The following GPC3 variants were observed in gnomAD, a reference collection of about 807,000 sequenced individuals.
GPC3 encodes the protein glypican-3.
GPC3 carries 3 observed loss-of-function variants against 34.4 expected under a neutral mutation model. The ratio of observed to expected loss-of-function variants is 0.09; its 90% CI spans 0.04 to 0.23. GPC3 has a LOEUF of 0.23. GPC3 is among the 10% of genes least tolerant of loss of function. GPC3 has a pLI of 1.00. For synonymous variants in GPC3, 177 were observed against 174.0 expected (o/e 1.02, Z -0.13); for missense variants, 351 against 445.6 (o/e 0.79, Z 1.91).
intron 6 of GPC3, among the ~76,000 whole-genome samples, chrX:133,619,246 T>C (rs930439431): frequency 8.9e-6 from 1 of 112,035 alleles, no homozygotes; most frequent in Non-Finnish European, 1.9e-5. Context: ...GAATGTAAAA[T>C]GGTGGATTCA....
chrX:133,652,237 T>G (rs768602429), intron 6 of GPC3, among the ~76,000 whole-genome samples: 2 of 112,025 alleles, frequency 1.8e-5, no homozygotes, highest in South Asian at 7.5e-4. Context: ...ATAATAACCA[T>G]AAGAATCCTC....
At chrX:133,786,394 G>A (rs1044336164) in intron 2 of GPC3, among the ~76,000 whole-genome samples, 17 of 112,108 alleles carry the variant, frequency 1.5e-4, no homozygotes, top group Admixed American at 3.8e-4. Flanking sequence ...AAACTCTGCC[G>A]AAAGAAAAGA....
chrX:133,645,290 G>A (rs940216247), intron 6 of GPC3, among the ~76,000 whole-genome samples: 4 of 111,376 alleles, frequency 3.6e-5, no homozygotes, highest in African/African-American at 1.3e-4. Flanking sequence ...GATGTCTGCT[G>A]TCACATACCT....
At chrX:133,954,357 G>A (rs1278423664) in intron 1 of GPC3, among the ~76,000 whole-genome samples, 10 of 112,303 alleles carry the variant, frequency 8.9e-5, no homozygotes, top group Non-Finnish European at 1.9e-4. Context: ...GGTGTCAATT[G>A]TTTTATTTAT....
At chrX:133,584,948 A>C (rs1050961413) in intron 7 of GPC3, among the ~76,000 whole-genome samples, 1 of 100,545 alleles carries the variant, frequency 9.9e-6, no homozygotes, top group African/African-American at 3.5e-5. Context: ...AAAAAAAAAC[A>C]AAAAAACAAA....
At chrX:133,869,394 G>A (rs942227710) in intron 2 of GPC3, among the ~76,000 whole-genome samples, 3 of 111,748 alleles carry the variant, frequency 2.7e-5, no homozygotes, top group East Asian at 2.8e-4. Flanking sequence ...CAACTTCACC[G>A]AAAGCGCACC....
chrX:133,700,497 T>A (rs1237962544), intron 3 of GPC3, among the ~76,000 whole-genome samples: 1 of 111,383 alleles, frequency 9.0e-6, no homozygotes, highest in Non-Finnish European at 1.9e-5. Flanking sequence ...AGTATTTTTT[T>A]ATAAGACCCA....
At chrX:133,856,617 G>T (rs772608282) in intron 2 of GPC3, among the ~76,000 whole-genome samples, 7 of 108,108 alleles carry the variant, frequency 6.5e-5, no homozygotes, top group African/African-American at 2.4e-4. Context: ...ATAGAAAAAG[G>T]AATCTACACT....
intron 2 of GPC3, among the ~76,000 whole-genome samples, chrX:133,878,091 T>C (rs1238076479): frequency 1.8e-5 from 2 of 112,295 alleles, no homozygotes; most frequent in Admixed American, 1.9e-4. Flanking sequence ...TTTGGAAATG[T>C]ATATTTGTAA....
At chrX:133,903,350 C>T (rs1292815872) in intron 2 of GPC3, among the ~76,000 whole-genome samples, 1 of 111,282 alleles carries the variant, frequency 9.0e-6, no homozygotes, top group East Asian at 2.8e-4. Flanking sequence ...ATTTGGGAGG[C>T]CAAGGTGCCT....
intron 6 of GPC3, among the ~76,000 whole-genome samples, chrX:133,623,143 A>C (rs1049942064): frequency 2.6e-4 from 29 of 112,118 alleles, no homozygotes; most frequent in Non-Finnish European, 4.5e-4. Context: ...CCTGCCTTAC[A>C]AGAGCTCCTG....
intron 7 of GPC3, among the ~76,000 whole-genome samples, chrX:133,560,791 C>T (rs1026143166): frequency 9.1e-6 from 1 of 110,246 alleles, no homozygotes; most frequent in African/African-American, 3.3e-5. Flanking sequence ...ACATTGTACT[C>T]CACAAATACA....
intron 2 of GPC3, among the ~76,000 whole-genome samples, chrX:133,899,866 G>A (rs1314181991): frequency 1.8e-5 from 2 of 111,615 alleles, no homozygotes; most frequent in East Asian, 5.6e-4. Flanking sequence ...GCAGTGGCAT[G>A]ATCTCGGCTC....
intron 2 of GPC3, among the ~76,000 whole-genome samples, chrX:133,936,502 G>A (rs772798233): frequency 9.0e-6 from 1 of 111,167 alleles, no homozygotes; most frequent in African/African-American, 3.3e-5. Flanking sequence ...CTCTCACCTT[G>A]ACTTAGAAGT....
chrX:133,687,092 A>ATTTTTTTTTT (rs775110101), intron 5 of GPC3, among the ~76,000 whole-genome samples: 985 of 68,954 alleles, frequency 0.014, no homozygotes, highest in African/African-American at 0.042. Flanking sequence ...TGGCCGGCTA[A>ATTTTTTTTTT]TTTTTTTTTT....
At chrX:133,720,884 A>T (rs1348267388) in intron 3 of GPC3, among the ~76,000 whole-genome samples, 1 of 109,477 alleles carries the variant, frequency 9.1e-6, no homozygotes, top group Admixed American at 9.9e-5. Context: ...TTGGGGACTC[A>T]GGGGGAAGGG....
chrX:133,659,071 C>T lies in GPC3; in HGVS notation c.1413+2659G>A, dbSNP rs142402197. On this transcript the variant is annotated intron_variant, in intron 6 of 7. Transcript: ENST00000370818. ...TAACTGCCATATATTAAGTGCCTGT[C>T]ATGCACATGCAATTACATATATCTA... is the stretch of plus-strand genomic sequence containing the variant. 8.0e-3 allele frequency among the ~76,000 whole-genome samples: 902 copies of T among 112,286 alleles called. 11 individuals are homozygous for T. The highest frequency in any genetic ancestry group is 0.028 in the African/African-American group (856 of 30,901).
intron 2 of GPC3, among the ~76,000 whole-genome samples, chrX:133,853,257 A>G (rs2075883757): frequency 9.0e-6 from 1 of 111,719 alleles, no homozygotes; most frequent in Non-Finnish European, 1.9e-5. Context: ...CGTACCACAA[A>G]AGCATATGGT....
At chrX:133,808,687 T>C (rs1294375955) in intron 2 of GPC3, among the ~76,000 whole-genome samples, 3 of 110,495 alleles carry the variant, frequency 2.7e-5, no homozygotes, top group East Asian at 5.6e-4. Flanking sequence ...CACATCTTCA[T>C]GAGATTTTTG....
Sources: gnomAD v4.1 joint callset for allele counts (sites outside exome capture counted in the v4.1 genomes callset) on GRCh38, gnomAD v4.1.1 for gene constraint, MANE v1.5 for transcripts, NCBI Gene and HGNC (gene_info 2026-07-23, HGNC 2026-07-21) for gene names.